The following SEC61A2 variants were observed in gnomAD, a reference collection of about 807,000 sequenced individuals.
The protein encoded by SEC61A2 is SEC61 translocon subunit alpha 2, also known as protein transport protein Sec61 subunit alpha isoform 2.
A neutral mutation model predicts 59.9 loss-of-function variants in SEC61A2; 28 were observed. The observed-to-expected ratio is 0.47, with a 90% CI of 0.35 to 0.64. The LOEUF is 0.64. Among genes scored for constraint, SEC61A2 ranks in the 30% least tolerant of loss-of-function variants. The probability of loss-of-function intolerance (pLI) is 0.01; values close to 1 mark genes in which losing one functional copy is unlikely to be tolerated. For missense variants in SEC61A2, 340 were observed against 585.9 expected (o/e 0.58, Z 4.33); for synonymous variants, 202 against 214.4 (o/e 0.94, Z 0.50).
At chr10:12,147,939 CTT>C (rs775693567) in intron 4 of SEC61A2, among the ~76,000 whole-genome samples, 14 of 142,302 alleles carry the variant, frequency 9.8e-5, no homozygotes, top group East Asian at 2.0e-4. Context: ...TATCTAATAT[CTT>C]TTTTTTTTTT....
rs1834233737 is a variant in SEC61A2, at chr10:12,149,798, CTT to C, written c.353-51_353-50del. The C allele has an allele frequency of 6.2e-7, 1 of 1,606,248 alleles. No homozygotes were observed. Among genetic ancestry groups the C allele is most frequent in the Non-Finnish European group, 8.5e-7 (1 of 1,175,118 alleles). ...TCGTGGTAAAGATGTTTTCTCTAGT[CTT>C]TTCTTGTCTTTGGTGGTAAGCGTGC... On this transcript the variant is annotated intron_variant, in intron 5 of 11. Coordinates refer to ENST00000298428, the MANE Select transcript of SEC61A2 (RefSeq NM_018144.4). The surrounding 1 kb of genome is among the most constrained non-coding windows in gnomAD (Gnocchi z 5.2).
At chr10:12,169,180 AC>A, downstream of SEC61A2, 1 of 887,308 alleles carries the variant, frequency 1.1e-6, no homozygotes. This position sits in a 1 kb window ranked among gnomAD's most constrained non-coding sequence, Gnocchi z 4.8. Context: ...TGGTTCTTTT[AC>A]CCCTCCTCCT....
At chr10:12,144,449 T>A (rs936316324) in intron 4 of SEC61A2, among the ~76,000 whole-genome samples, 6 of 152,236 alleles carry the variant, frequency 3.9e-5, no homozygotes, top group Non-Finnish European at 8.8e-5. Context: ...TATTCCATTA[T>A]AAGGATACGC....
downstream of SEC61A2, among the ~76,000 whole-genome samples, chr10:12,168,392 T>A (rs1197800179): frequency 6.6e-6 from 1 of 152,206 alleles, no homozygotes; most frequent in African/African-American, 2.4e-5. This position sits in a 1 kb window ranked among gnomAD's most constrained non-coding sequence, Gnocchi z 4.8. Flanking sequence ...ACCTCATTTA[T>A]AGCTGGGGTA....
Position 12,161,039 on chromosome 10 carries a change from T to C in SEC61A2, c.1085T>C (p.Val362Ala). The C allele has an allele frequency of 6.2e-7, 1 of 1,614,168 alleles. No individual in the cohort carries two copies. The highest frequency in any genetic ancestry group is 8.5e-7 in the Non-Finnish European group (1 of 1,179,966). ...ATCTTTGAGGATCCTGTCCATGTCGTTGTTTATATCATCTTCATGTTGGGG... is the reference window on the plus strand; with the variant it reads ...ATCTTTGAGGATCCTGTCCATGTCGCTGTTTATATCATCTTCATGTTGGGG... Reference protein sequence around the residue: ...GAIFEDPVHVVVYIIFMLGSC... With the variant: ...GAIFEDPVHVAVYIIFMLGSC... Residue 362 changes from valine to alanine, a missense_variant, in exon 10 of 12, where the codon GTT (valine) becomes GCT (alanine). Val to Ala is a moderately conservative substitution (Grantham distance 64). Around this residue, in one of 3 missense-constraint regions of SEC61A2, gnomAD observed 283 missense variants for 483.2 expected, o/e 0.59. Coordinates refer to ENST00000298428, the MANE Select transcript of SEC61A2 (RefSeq NM_018144.4). This position sits in a 1 kb window ranked among gnomAD's most constrained non-coding sequence, Gnocchi z 5.4.
chr10:12,136,690 T>C lies in SEC61A2; in HGVS notation c.141+520T>C, dbSNP rs138974384. On this transcript the variant is annotated intron_variant, in intron 3 of 11. Transcript: ENST00000298428. The stretch of plus-strand genomic sequence containing the variant: ...TGTTGCCCAGGCTGGAGTGCAGTGG[T>C]ATGATCTCGACTCACTGCAACCTCT... 4.1e-3 allele frequency among the ~76,000 whole-genome samples: 618 copies of C among 151,784 alleles called. 5 individuals carry two copies. Among genetic ancestry groups the C allele is most frequent in the African/African-American group, 0.014 (592 of 41,372 alleles).
chr10:12,138,006 AAAAT>A (rs769251151), intron 3 of SEC61A2, among the ~76,000 whole-genome samples: 3 of 152,174 alleles, frequency 2.0e-5, no homozygotes, highest in Non-Finnish European at 4.4e-5. Flanking sequence ...ATGCTGTCTC[AAAAT>A]AAATAAATAC....
Position 12,142,012 on chromosome 10 carries a change from G to T in SEC61A2, c.142-1105G>T, listed in dbSNP as rs183893888. 1.0e-3 allele frequency among the ~76,000 whole-genome samples: 158 copies of T among 152,324 alleles called. No individual in the cohort carries two copies. Among genetic ancestry groups the T allele is most frequent in the African/African-American group, 3.7e-3 (152 of 41,570 alleles). ...GGAAAGGCCTGCATTCTTACTCCCAGACCCAGGGCTAATCTATCATAGGGA... is the reference window on the plus strand; with the variant it reads ...GGAAAGGCCTGCATTCTTACTCCCATACCCAGGGCTAATCTATCATAGGGA... On this transcript the variant is annotated intron_variant, in intron 3 of 11. Coordinates refer to ENST00000298428, the MANE Select transcript of SEC61A2 (RefSeq NM_018144.4). The surrounding 1 kb of genome is among the most constrained non-coding windows in gnomAD (Gnocchi z 5.4).
In SEC61A2 at chr10:12,160,680, G is replaced by A. The variant is rs1262853230; in HGVS notation, c.976-250G>A. Among the ~76,000 whole-genome samples the A allele has an allele frequency of 6.7e-6, 1 of 149,732 alleles. No individual in the cohort carries two copies. Reference sequence around the variant, plus strand: ...CCTATTTTCAGTAATGGAAGATTTTGTAATATATTACAATTTTTAAAAATG... The same window carrying A: ...CCTATTTTCAGTAATGGAAGATTTTATAATATATTACAATTTTTAAAAATG... On this transcript the variant is annotated intron_variant, in intron 9 of 11. Transcript: ENST00000298428. The surrounding 1 kb of genome is among the most constrained non-coding windows in gnomAD (Gnocchi z 4.1).
intron 2 of SEC61A2, among the ~76,000 whole-genome samples, chr10:12,133,766 C>T (rs1032987590): frequency 5.3e-5 from 8 of 152,124 alleles, no homozygotes; most frequent in Non-Finnish European, 1.2e-4. Flanking sequence ...TTGATTCATT[C>T]GTTGGAAAGA....
At chr10:12,141,011 T>C (rs1488258253) in intron 3 of SEC61A2, among the ~76,000 whole-genome samples, 1 of 152,020 alleles carries the variant, frequency 6.6e-6, no homozygotes, top group Non-Finnish European at 1.5e-5. Flanking sequence ...GCGATTCTCC[T>C]ACCTCCGCCT....
downstream of SEC61A2, among the ~76,000 whole-genome samples, chr10:12,169,059 G>A (rs1052673032): frequency 1.3e-5 from 2 of 152,074 alleles, no homozygotes; most frequent in African/African-American, 2.4e-5. The surrounding 1 kb of genome is among the most constrained non-coding windows in gnomAD (Gnocchi z 4.8). Context: ...CACCGCACCC[G>A]GCCAGCAAAC....
chr10:12,151,313 TTTC>T (rs1229450877), intron 6 of SEC61A2, among the ~76,000 whole-genome samples: 1 of 149,438 alleles, frequency 6.7e-6, no homozygotes, highest in Admixed American at 6.7e-5. Context: ...TTCTTTTTCT[TTTC>T]TTTTTTTTTT....
At position 12,136,224 on chromosome 10, in the gene SEC61A2, T is replaced by C; in HGVS notation, c.141+54T>C. On this transcript the variant is annotated intron_variant, in intron 3 of 11. Transcript: ENST00000298428. Reference sequence around the variant, plus strand: ...CTGCACCATTGTTCTAAGGTTTTGATTGGTTAGAATTTGAGAATTTTTTTT... The same window carrying C: ...CTGCACCATTGTTCTAAGGTTTTGACTGGTTAGAATTTGAGAATTTTTTTT... 2.6e-6 allele frequency: 3 copies of C among 1,171,150 alleles called. No homozygotes were observed. In the South Asian group the frequency reaches 3.9e-5, roughly 15 times the overall value. The allele number at this position is 1,171,150 out of a possible 1,614,324, so 72.5% of individuals were successfully genotyped here.
chr10:12,153,953 T>C lies in SEC61A2; in HGVS notation c.463-1825T>C, dbSNP rs1294551962. ...GTCTTGACTAAAAATTTTAAAAAAC[T>C]ATTAGAGAATATCAGTGTGCATGGC... On this transcript the variant is annotated intron_variant, in intron 6 of 11. Coordinates refer to ENST00000298428, the MANE Select transcript of SEC61A2 (RefSeq NM_018144.4). The surrounding 1 kb of genome is among the most constrained non-coding windows in gnomAD (Gnocchi z 5.2). 11 of 649,288 alleles carry C rather than the reference T, an allele frequency of 1.7e-5. No individual in the cohort carries two copies. Among genetic ancestry groups the C allele is most frequent in the Non-Finnish European group, 2.7e-5 (11 of 401,880 alleles). 40.2% of individuals were successfully genotyped at this position (649,288 alleles called of 1,614,324 possible).
intron 4 of SEC61A2, among the ~76,000 whole-genome samples, chr10:12,148,688 C>T (rs1355956815): frequency 3.3e-5 from 5 of 151,546 alleles, no homozygotes; most frequent in South Asian, 2.1e-4. Flanking sequence ...TACAGGCGCA[C>T]GCCACCACAC....
rs1363961201 is a variant in SEC61A2, at chr10:12,149,847, A to G, written c.353-5A>G. The G allele has an allele frequency of 1.9e-6, 3 of 1,612,764 alleles. No individual in the cohort carries two copies. The highest frequency in any genetic ancestry group is 2.2e-5 in the East Asian group (1 of 44,864). ...GTGCTCTCCTTTCCCCCCAACTTTC[A>G]TCAGTGTTTGGTATGATCATTACCA... is the stretch of plus-strand genomic sequence containing the variant. On this transcript the variant is annotated splice_polypyrimidine_tract_variant and splice_region_variant and intron_variant, in intron 5 of 11. Transcript: ENST00000298428. The surrounding 1 kb of genome is among the most constrained non-coding windows in gnomAD (Gnocchi z 5.2).
Position 12,154,304 on chromosome 10 carries a change from A to G in SEC61A2, c.463-1474A>G, listed in dbSNP as rs1323564196. ...GGAAAAACCCAAGTTTAATTTTCAC[A>G]GGACATATGTGAACCACTCTGTAGT... On this transcript the variant is annotated intron_variant, in intron 6 of 11. Transcript: ENST00000298428. The surrounding 1 kb of genome is among the most constrained non-coding windows in gnomAD (Gnocchi z 5.2). 6.6e-6 allele frequency among the ~76,000 whole-genome samples: 1 copy of G among 152,190 alleles called. No homozygotes were observed. The highest frequency in any genetic ancestry group is 1.5e-5 in the Non-Finnish European group (1 of 68,040).
downstream of SEC61A2, chr10:12,167,763 T>C (rs1205789048): frequency 1.2e-6 from 2 of 1,614,146 alleles, no homozygotes; most frequent in Admixed American, 1.7e-5. Flanking sequence ...TGCTAGAGCG[T>C]AGGAATAGAC....
Sources: allele counts gnomAD v4.1 joint callset (sites outside exome capture counted in the v4.1 genomes callset), GRCh38; gene constraint gnomAD v4.1.1; regional missense constraint gnomAD v4.1.1; non-coding constraint Gnocchi (gnomAD v3.1); transcripts MANE v1.5; gene names NCBI Gene and HGNC (gene_info 2026-07-23, HGNC 2026-07-21).